Variants in DGKI observed in about 807,000 individuals in gnomAD.
DGKI encodes the protein DAG kinase iota.
DGKI carries 55 observed loss-of-function variants against 147.5 expected under a neutral mutation model. The observed-to-expected ratio is 0.37, with a 90% CI of 0.30 to 0.47. The LOEUF (loss-of-function observed/expected upper bound fraction) is 0.47, where lower values mean the gene tolerates loss of function less well. Among genes scored for constraint, DGKI ranks in the 20% least tolerant of loss-of-function variants. The probability of loss-of-function intolerance (pLI) is 1.00; values close to 1 mark genes in which losing one functional copy is unlikely to be tolerated. For synonymous variants in DGKI, 469 were observed against 477.1 expected, an observed-to-expected ratio of 0.98 and a Z score of 0.22; for missense variants, 1,007 against 1,323.8, an observed-to-expected ratio of 0.76 and a Z score of 3.71.
intron 1 of DGKI, among the ~76,000 whole-genome samples, chr7:137,840,894 A>G (rs1473127781): frequency 1.3e-5 from 2 of 152,272 alleles, no homozygotes. Flanking sequence ...CTGTCTTCAA[A>G]GGAGCTAACA....
chr7:137,781,962 G>T, intron 1 of DGKI, among the ~76,000 whole-genome samples: 1 of 152,184 alleles, frequency 6.6e-6, no homozygotes, highest in East Asian at 1.9e-4. Flanking sequence ...CAATTAAGAT[G>T]GTGGATAGGA....
intron 28 of DGKI, among the ~76,000 whole-genome samples, chr7:137,415,595 A>C (rs1429808155): frequency 1.3e-5 from 2 of 152,194 alleles, no homozygotes. Flanking sequence ...CTGAAGCAGA[A>C]TGTCTCTAAT....
intron 1 of DGKI, chr7:137,843,364 G>C (rs567596221): frequency 1.0e-6 from 1 of 963,064 alleles, no homozygotes; most frequent in Non-Finnish European, 1.2e-6. Flanking sequence ...GAAAAACGAA[G>C]TAGTAATTTT....
intron 1 of DGKI, among the ~76,000 whole-genome samples, chr7:137,723,923 T>C (rs1794643447): frequency 6.6e-6 from 1 of 151,964 alleles, no homozygotes; most frequent in Admixed American, 6.6e-5. Flanking sequence ...TTGGCCAGGA[T>C]AGTCTCGATC....
intron 27 of DGKI, among the ~76,000 whole-genome samples, chr7:137,448,971 C>A (rs1563025260): frequency 3.3e-5 from 5 of 151,938 alleles, no homozygotes; most frequent in Admixed American, 2.6e-4. Flanking sequence ...AGATATGAAA[C>A]ATTGATGAAA....
In DGKI at chr7:137,383,447, T is replaced by C. The variant is rs1811106064; in HGVS notation, c.*7773A>G. 6.6e-6 allele frequency: 1 copy of C among 151,802 alleles called. No individual in the cohort carries two copies. Among genetic ancestry groups the C allele is most frequent in the Non-Finnish European group, 1.5e-5 (1 of 67,878 alleles). 9.4% of individuals were successfully genotyped at this position (151,802 alleles called of 1,614,324 possible). On this transcript the variant is annotated 3_prime_UTR_variant, in exon 33 of 33. Transcript: ENST00000614521. ...AAAAAATGCCTTCATTGCTATCTAG[T>C]TGGCAGGAACCTGGGGGAAAAAAAT...
At chr7:137,488,761 CAG>C (rs899428614) in intron 21 of DGKI, among the ~76,000 whole-genome samples, 1 of 152,020 alleles carries the variant, frequency 6.6e-6, no homozygotes, top group Non-Finnish European at 1.5e-5. Flanking sequence ...TCATAATACA[CAG>C]AAGAAGATTT....
At chr7:137,718,754 A>G (rs1794460260) in intron 1 of DGKI, among the ~76,000 whole-genome samples, 3 of 152,226 alleles carry the variant, frequency 2.0e-5, no homozygotes, top group Admixed American at 2.0e-4. Flanking sequence ...TGGGCAACAA[A>G]GGAGAAGACG....
intron 1 of DGKI, among the ~76,000 whole-genome samples, chr7:137,732,922 C>T (rs1794924555): frequency 6.6e-6 from 1 of 151,780 alleles, no homozygotes; most frequent in South Asian, 2.1e-4. Context: ...AGCTCGTATC[C>T]CCCTCACTTC....
intron 1 of DGKI, among the ~76,000 whole-genome samples, chr7:137,843,754 C>G (rs1384171852): frequency 8.4e-6 from 1 of 118,802 alleles, no homozygotes; most frequent in Admixed American, 1.0e-4. Context: ...ATGAGACCCC[C>G]CTACACACAC....
At chr7:137,488,214 A>G (rs1258643550) in intron 21 of DGKI, among the ~76,000 whole-genome samples, 1 of 152,170 alleles carries the variant, frequency 6.6e-6, no homozygotes, top group Admixed American at 6.6e-5. Flanking sequence ...GAGCTACTCA[A>G]GGCACTGTTG....
intron 30 of DGKI, among the ~76,000 whole-genome samples, chr7:137,397,965 C>T (rs1811612982): frequency 6.6e-6 from 1 of 152,140 alleles, no homozygotes; most frequent in African/African-American, 2.4e-5. Flanking sequence ...TGAATTTTCC[C>T]TTTCACAATG....
intron 3 of DGKI, among the ~76,000 whole-genome samples, chr7:137,660,567 A>G (rs1438947528): frequency 6.6e-6 from 1 of 152,342 alleles, no homozygotes; most frequent in Admixed American, 6.5e-5. Context: ...AGGAGGACAG[A>G]GGCATCAGTG....
At chr7:137,409,390 G>A (rs552968610) in intron 29 of DGKI, among the ~76,000 whole-genome samples, 9 of 152,234 alleles carry the variant, frequency 5.9e-5, no homozygotes, top group East Asian at 3.9e-4. Context: ...TGGTGGAGAC[G>A]GATAGGTAAA....
intron 1 of DGKI, among the ~76,000 whole-genome samples, chr7:137,823,132 A>C (rs1468933382): frequency 6.6e-6 from 1 of 152,180 alleles, no homozygotes; most frequent in Non-Finnish European, 1.5e-5. Flanking sequence ...AAAAGGTCCC[A>C]AAACCCATGA....
chr7:137,450,956 A>T (rs953209862), intron 27 of DGKI, among the ~76,000 whole-genome samples: 11 of 152,108 alleles, frequency 7.2e-5, no homozygotes, highest in Admixed American at 5.9e-4. Context: ...AAACTTGGAA[A>T]AAAAGGGAAG....
At position 137,806,916 on chromosome 7, in the gene DGKI, T is replaced by A. The variant is rs1447200122; in HGVS notation, c.401+39546A>T. ...CATTTCCCAACCATCACCACCAACC[T>A]ACGTGGCAGAAGACCAGGGAAAGGG... On this transcript the variant is annotated intron_variant, in intron 1 of 32. Transcript: ENST00000614521. 3.9e-5 allele frequency among the ~76,000 whole-genome samples: 6 copies of A among 152,132 alleles called. No homozygotes were observed. The South Asian group carries it at 1.2e-3, about 32-fold the overall frequency.
chr7:137,636,655 C>G (rs775153435), intron 6 of DGKI, among the ~76,000 whole-genome samples: 1 of 152,210 alleles, frequency 6.6e-6, no homozygotes, highest in Non-Finnish European at 1.5e-5. Flanking sequence ...GCTGATGCAG[C>G]TTGGATATCT....
chr7:137,568,037 T>A (rs1325742599), intron 19 of DGKI, among the ~76,000 whole-genome samples: 2 of 152,174 alleles, frequency 1.3e-5, no homozygotes, highest in Non-Finnish European at 2.9e-5. Flanking sequence ...ATTTTGTCTA[T>A]TTTTACACTG....
Sources: allele counts gnomAD v4.1 joint callset (sites outside exome capture counted in the v4.1 genomes callset), GRCh38; gene constraint gnomAD v4.1.1; transcripts MANE v1.5; gene names NCBI Gene and HGNC (gene_info 2026-07-23, HGNC 2026-07-21).